Variants in SBK1 observed in about 807,000 individuals in gnomAD.
The protein encoded by SBK1 is serine/threonine-protein kinase SBK1.
SBK1 carries 11 observed loss-of-function variants against 24.4 expected under a neutral mutation model. The ratio of observed to expected loss-of-function variants is 0.45; its 90% CI spans 0.28 to 0.75. The LOEUF (loss-of-function observed/expected upper bound fraction) is 0.75, where lower values mean the gene tolerates loss of function less well. Among genes scored for constraint, SBK1 ranks in the 30% least tolerant of loss-of-function variants. The pLI is 0.12. For missense variants in SBK1, 467 were observed against 620.5 expected (o/e 0.75, Z 2.63); for synonymous variants, 308 against 284.4 (o/e 1.08, Z -0.83).
At chr16:28,310,532 T>A (rs970605390) in intron 1 of SBK1, among the ~76,000 whole-genome samples, 10 of 152,164 alleles carry the variant, frequency 6.6e-5, no homozygotes, top group Non-Finnish European at 1.5e-4. Context: ...CTGTGTGACC[T>A]TGGGCAAGTT....
chr16:28,258,798 C>T (rs2044377791), upstream of SBK1: 1 of 152,570 alleles, frequency 6.6e-6, no homozygotes, highest in Non-Finnish European at 1.5e-5. Context: ...GGCACCGTGC[C>T]AGCCTCACCT....
rs149129096 is a variant in SBK1 at position 28,311,590 on chromosome 16, A to G, written c.-7-5795A>G. 1.2e-3 allele frequency among the ~76,000 whole-genome samples: 190 copies of G among 152,096 alleles called. 1 individual carries two copies. The highest frequency in any genetic ancestry group is 4.4e-3 in the African/African-American group (183 of 41,490). ...ATGACGCACACCTGCAGTCCTAGCT[A>G]CTCACAAGAAGGCTGAGATGGGAGG... On this transcript the variant is annotated intron_variant, in intron 1 of 3. Transcript: ENST00000341901.
chr16:28,320,895 G>T lies in SBK1; in HGVS notation c.1249G>T (p.Ala417Ser). The change falls in exon 4 of 4, where the codon GCC becomes TCC. Residue 417 changes from alanine to serine, a missense_variant. Ala to Ser is a moderately conservative substitution (Grantham distance 99). Around this residue, in one of 4 missense-constraint regions of SBK1, gnomAD observed 166 missense variants for 146.8 expected, o/e 1.13. Transcript: ENST00000341901. This position sits in a 1 kb window ranked among gnomAD's most constrained non-coding sequence, Gnocchi z 8.5. Reference protein sequence around the residue: ...ADKSKGQVVLATAIEICV With the variant: ...ADKSKGQVVLSTAIEICV Reference sequence around the variant, plus strand: ...CAAGAGCAAAGGGCAGGTGGTGCTGGCCACGGCCATCGAGATCTGCGTCTG... The same window carrying T: ...CAAGAGCAAAGGGCAGGTGGTGCTGTCCACGGCCATCGAGATCTGCGTCTG... 6.7e-7 allele frequency: 1 copy of T among 1,498,966 alleles called. No homozygotes were observed. Among genetic ancestry groups the T allele is most frequent in the South Asian group, 1.2e-5 (1 of 83,162 alleles). The allele number at this position is 1,498,966 out of a possible 1,614,324, so 92.9% of individuals were successfully genotyped here.
intron 1 of SBK1, among the ~76,000 whole-genome samples, chr16:28,310,059 C>T (rs2044744001): frequency 6.6e-6 from 1 of 152,238 alleles, no homozygotes; most frequent in Non-Finnish European, 1.5e-5. Context: ...AACCCTCCCC[C>T]ACCACGGTGG....
intron 1 of SBK1, among the ~76,000 whole-genome samples, chr16:28,309,146 C>T (rs540251074): frequency 6.6e-6 from 1 of 152,160 alleles, no homozygotes; most frequent in Non-Finnish European, 1.5e-5. Flanking sequence ...TGCTTCTTCT[C>T]TTGTGGCTCC....
In SBK1 at chr16:28,320,791, C is replaced by A; in HGVS notation, c.1145C>A (p.Pro382Gln). 7.0e-7 allele frequency: 1 copy of A among 1,423,270 alleles called. No individual in the cohort carries two copies. The allele number at this position is 1,423,270 out of a possible 1,614,324, so 88.2% of individuals were successfully genotyped here. A position where few individuals can be genotyped will look rare whatever the true frequency, so the allele number is the denominator to read the frequency against. Residue 382 changes from proline (P) to glutamine (Q), a missense_variant, in exon 4 of 4, where the codon CCA becomes CAA. By Grantham distance (76) the Pro-to-Gln change is moderately conservative. This residue lies in a region of SBK1 where 166 missense variants were observed against 146.8 expected (regional missense o/e 1.13). Transcript: ENST00000341901. The surrounding 1 kb of genome is among the most constrained non-coding windows in gnomAD (Gnocchi z 8.5). ...CCCTTGCCCGTGCCGGTGCCGGTGC[C>A]AGTGCCCGTGCCGGTGCCTGTGCCC... ...SVPLPVPVPV[P>Q]VPVPVPVPEP...
chr16:28,280,177 A>G (rs1455815526), intron 1 of SBK1, among the ~76,000 whole-genome samples: 10 of 88,854 alleles, frequency 1.1e-4, no homozygotes, highest in South Asian at 3.6e-4. Flanking sequence ...GTGTGTATGT[A>G]TATATACATA....
chr16:28,279,137 G>T (rs920711955), intron 1 of SBK1, among the ~76,000 whole-genome samples: 8 of 151,812 alleles, frequency 5.3e-5, no homozygotes, highest in Middle Eastern at 3.4e-3. Flanking sequence ...AACCCAAGAG[G>T]CGGAGGTTGC....
chr16:28,313,330 G>C (rs1322162219), intron 1 of SBK1, among the ~76,000 whole-genome samples: 1 of 151,606 alleles, frequency 6.6e-6, no homozygotes, highest in East Asian at 1.9e-4. Context: ...ACGACAGGAG[G>C]CTGGGTGCGG....
At chr16:28,265,318 T>C (rs1405045022) in intron 1 of SBK1, among the ~76,000 whole-genome samples, 6 of 150,686 alleles carry the variant, frequency 4.0e-5, no homozygotes, top group Admixed American at 6.6e-5. Flanking sequence ...ACTCAGGAGG[T>C]TGAGGTGGGA....
chr16:28,315,299 C>T (rs757542808), intron 1 of SBK1, among the ~76,000 whole-genome samples: 13 of 152,080 alleles, frequency 8.5e-5, no homozygotes, highest in South Asian at 2.1e-4. Context: ...GTGGTCTCGA[C>T]GGCAGGGATG....
At chr16:28,268,762 C>T (rs898762390) in intron 1 of SBK1, among the ~76,000 whole-genome samples, 4 of 149,940 alleles carry the variant, frequency 2.7e-5, no homozygotes, top group Admixed American at 6.6e-5. Context: ...GACTCTGTCT[C>T]GAAAAAAAAA....
chr16:28,300,465 G>A (rs1006379895), intron 1 of SBK1, among the ~76,000 whole-genome samples: 20 of 151,728 alleles, frequency 1.3e-4, no homozygotes, highest in African/African-American at 4.9e-4. Context: ...GACCACAGGC[G>A]CATGCCACCA....
chr16:28,290,781 A>C (rs926897570), upstream of SBK1: 5 of 152,264 alleles, frequency 3.3e-5, no homozygotes, highest in East Asian at 9.6e-4. Flanking sequence ...GAGGCCGACA[A>C]GTTAAGAACT....
rs1304526998 is a variant in SBK1, at chr16:28,259,498, C to T, written c.253C>T (p.Arg85Trp). 4 of 982,828 alleles carry T rather than the reference C, an allele frequency of 4.1e-6. No homozygotes were observed. Among genetic ancestry groups the T allele is most frequent in the African/African-American group, 1.7e-5 (1 of 57,178 alleles). The allele number at this position is 982,828 out of a possible 1,614,324, so 60.9% of individuals were successfully genotyped here. ...GGAGCTGCTGGAAGAAGTCCCATTG[C>T]GGAGGTCAGTGCTCGTGGGTGGCCA... Residue 85 changes from arginine to tryptophan, a missense_variant, in exon 1 of 4, where the codon CGG becomes TGG. Coordinates refer to the SBK1 transcript ENST00000671413. The surrounding 1 kb of genome is among the most constrained non-coding windows in gnomAD (Gnocchi z 6.0).
rs78855588 is a variant in SBK1, at chr16:28,281,209, T to A, written c.257+21707T>A. On this transcript the variant is annotated intron_variant, in intron 1 of 3. Transcript: ENST00000671413. The stretch of plus-strand genomic sequence containing the variant: ...CCTGGATCCACTTAATTAGCTGAGC[T>A]CATTAACTCCCACAAGACTTCTCCT... Among the ~76,000 whole-genome samples the A allele has an allele frequency of 3.7e-3, 565 of 152,236 alleles. 2 individuals carry two copies. The highest frequency in any genetic ancestry group is 0.013 in the African/African-American group (548 of 41,538).
Position 28,319,180 on chromosome 16 carries a change from G to C in SBK1, c.412G>C (p.Asp138His). The change falls in exon 3 of 4, where the codon GAC becomes CAC. Residue 138 changes from aspartate to histidine, a missense_variant. By Grantham distance (81) the Asp-to-His change is moderately conservative. Coordinates refer to ENST00000341901, the MANE Select transcript of SBK1 (RefSeq NM_001024401.3). The surrounding 1 kb of genome is among the most constrained non-coding windows in gnomAD (Gnocchi z 4.0). ...GTACGCACCTGCTGGGGACCTGTTT[G>C]ACATCATCCCTCCCCAGGTACTCGG... ...QEYAPAGDLFDIIPPQVGLPE... is the reference protein window; with the variant it reads ...QEYAPAGDLFHIIPPQVGLPE... The C allele has an allele frequency of 6.2e-7, 1 of 1,613,984 alleles. No individual in the cohort carries two copies. Among genetic ancestry groups the C allele is most frequent in the Non-Finnish European group, 8.5e-7 (1 of 1,179,900 alleles).
intron 1 of SBK1, among the ~76,000 whole-genome samples, chr16:28,294,985 G>A (rs1353959624): frequency 6.6e-6 from 1 of 152,210 alleles, no homozygotes. Flanking sequence ...CTTGAAGGGC[G>A]GATGGAGATC....
intron 1 of SBK1, among the ~76,000 whole-genome samples, chr16:28,315,629 C>T (rs1055513417): frequency 2.0e-5 from 3 of 152,096 alleles, no homozygotes; most frequent in South Asian, 2.1e-4. Flanking sequence ...GATGTGGTGG[C>T]GCATGCTTGC....
Sources: allele counts gnomAD v4.1 joint callset (sites outside exome capture counted in the v4.1 genomes callset), GRCh38; gene constraint gnomAD v4.1.1; regional missense constraint gnomAD v4.1.1; non-coding constraint Gnocchi (gnomAD v3.1); transcripts MANE v1.5; gene names NCBI Gene and HGNC (gene_info 2026-07-23, HGNC 2026-07-21).